Variants in PRKCZ observed in about 807,000 individuals in gnomAD.
The protein encoded by PRKCZ is protein kinase C zeta.
In PRKCZ, 33 loss-of-function variants were observed where a neutral mutation model predicts 79.5. The ratio of observed to expected loss-of-function variants is 0.41; its 90% CI spans 0.31 to 0.55. The LOEUF (loss-of-function observed/expected upper bound fraction) is 0.55, where lower values mean the gene tolerates loss of function less well. Among genes scored for constraint, PRKCZ ranks in the 20% least tolerant of loss-of-function variants. The probability of loss-of-function intolerance (pLI) is 0.19; values close to 1 mark genes in which losing one functional copy is unlikely to be tolerated. For synonymous variants in PRKCZ, 342 were observed against 320.9 expected, an observed-to-expected ratio of 1.07 and a Z score of -0.70; for missense variants, 578 against 813.5, an observed-to-expected ratio of 0.71 and a Z score of 3.52.
In PRKCZ at chr1:2,075,894, C is replaced by G. The variant is rs1416776596; in HGVS notation, c.334+16303C>G. 6.6e-6 allele frequency among the ~76,000 whole-genome samples: 1 copy of G among 152,222 alleles called. No homozygotes were observed. The highest frequency in any genetic ancestry group is 1.5e-5 in the Non-Finnish European group (1 of 68,050). On this transcript the variant is annotated intron_variant, in intron 4 of 17. Coordinates refer to ENST00000378567, the MANE Select transcript of PRKCZ (RefSeq NM_002744.6). This position sits in a 1 kb window ranked among gnomAD's most constrained non-coding sequence, Gnocchi z 4.8. Reference sequence around the variant, plus strand: ...CTCGTGTGTGTAGCAGCGGGGGCTGCGTCTCATCTGCCACACGTTTCTGAT... The same window carrying G: ...CTCGTGTGTGTAGCAGCGGGGGCTGGGTCTCATCTGCCACACGTTTCTGAT...
chr1:2,076,251 T>G (rs1032106053), intron 4 of PRKCZ, among the ~76,000 whole-genome samples: 2 of 152,070 alleles, frequency 1.3e-5, no homozygotes, highest in African/African-American at 4.8e-5. Context: ...TCTGGTCTCC[T>G]GGCGCCCACT....
chr1:2,095,100 C>T (rs1041702980), intron 4 of PRKCZ, among the ~76,000 whole-genome samples: 6 of 152,156 alleles, frequency 3.9e-5, no homozygotes, highest in Non-Finnish European at 8.8e-5. Context: ...GTTTGCTGGT[C>T]CCCTGGGAGT....
chr1:2,162,409 G>GGT lies in PRKCZ; in HGVS notation c.974+6320_974+6321dup, dbSNP rs571536054. Among the ~76,000 whole-genome samples the GGT allele has an allele frequency of 1.8e-3, 273 of 152,332 alleles. 1 individual carries two copies. The highest frequency in any genetic ancestry group is 3.5e-3 in the Non-Finnish European group (237 of 68,040). On this transcript the variant is annotated intron_variant, in intron 10 of 17. Transcript: ENST00000378567. ...GGCCTCCCAAAGTGCTGGGATTACA[G>GGT]GTGTAAGCCACTGGGCCTGGCCCGA...
In PRKCZ at chr1:2,073,869, G is replaced by A. The variant is rs915563600; in HGVS notation, c.334+14278G>A. ...TCAACGGGAAGGAAGATGCCTCCCTGCACGCCCGCCGCGCACAGAGCATAA... is the reference window on the plus strand; with the variant it reads ...TCAACGGGAAGGAAGATGCCTCCCTACACGCCCGCCGCGCACAGAGCATAA... On this transcript the variant is annotated intron_variant, in intron 4 of 17. Coordinates refer to ENST00000378567, the MANE Select transcript of PRKCZ (RefSeq NM_002744.6). 3.7e-6 allele frequency: 4 copies of A among 1,089,402 alleles called. No individual in the cohort carries two copies. The African/African-American group carries it at 5.0e-5, about 14-fold the overall frequency. 67.5% of individuals were successfully genotyped at this position (1,089,402 alleles called of 1,614,324 possible).
chr1:2,054,969 GTCTC>G (rs1196527317), intron 1 of PRKCZ, among the ~76,000 whole-genome samples: 4 of 147,644 alleles, frequency 2.7e-5, no homozygotes, highest in Admixed American at 2.0e-4. Flanking sequence ...TTAATACGGA[GTCTC>G]TCTCTGTCGC....
chr1:2,057,645 C>T lies in PRKCZ; in HGVS notation c.283+1072C>T, dbSNP rs778779893. Among the ~76,000 whole-genome samples the T allele has an allele frequency of 1.1e-4, 17 of 152,074 alleles. 1 individual carries two copies. Among genetic ancestry groups the T allele is most frequent in the African/African-American group, 2.2e-4 (9 of 41,416 alleles). ...CTTTGGGAGGTCAAGGTGGGAGGAT[C>T]GCTTCAGCCTAGGAGTTCAAGACCA... On this transcript the variant is annotated intron_variant, in intron 3 of 17. Coordinates refer to ENST00000378567, the MANE Select transcript of PRKCZ (RefSeq NM_002744.6).
At position 2,128,265 on chromosome 1, in the gene PRKCZ, C is replaced by T. The variant is rs912960832; in HGVS notation, c.335-6997C>T. On this transcript the variant is annotated intron_variant, in intron 4 of 17. Transcript: ENST00000378567. The surrounding 1 kb of genome is among the most constrained non-coding windows in gnomAD (Gnocchi z 6.5). ...TGCACCCATCCGGGCCCCGCAGGGC[C>T]GTCCTGTGGCACTGCTTTGGGCTGT... 9.2e-5 allele frequency among the ~76,000 whole-genome samples: 14 copies of T among 152,334 alleles called. No individual in the cohort carries two copies. The highest frequency in any genetic ancestry group is 1.3e-4 in the Non-Finnish European group (9 of 68,018).
chr1:2,091,336 CTGTT>C (rs1334204549), intron 4 of PRKCZ, among the ~76,000 whole-genome samples: 1 of 152,218 alleles, frequency 6.6e-6, no homozygotes, highest in Admixed American at 6.5e-5. Flanking sequence ...CGCGCCTGGC[CTGTT>C]TGTTTTTTAA....
rs180690744 is a variant in PRKCZ, at chr1:2,057,030, T to G, written c.283+457T>G. 2.1e-3 allele frequency among the ~76,000 whole-genome samples: 326 copies of G among 152,290 alleles called. 6 individuals carry two copies. The highest frequency in any genetic ancestry group is 7.0e-3 in the African/African-American group (292 of 41,564). ...GATGTGAGCCACCGCGCCCGGCCTT[T>G]TCTTTGACATTTTATTAACCCAAAT... On this transcript the variant is annotated intron_variant, in intron 3 of 17. Transcript: ENST00000378567.
chr1:2,168,859 T>C lies in PRKCZ; in HGVS notation c.975-659T>C. ...TTGTATGAGAATTTAATTTTGAAAATTGAGTCTCATGAAATGTAGGAAAAG... is the reference window on the plus strand; with the variant it reads ...TTGTATGAGAATTTAATTTTGAAAACTGAGTCTCATGAAATGTAGGAAAAG... On this transcript the variant is annotated intron_variant, in intron 10 of 17. Coordinates refer to ENST00000378567, the MANE Select transcript of PRKCZ (RefSeq NM_002744.6). The surrounding 1 kb of genome is among the most constrained non-coding windows in gnomAD (Gnocchi z 4.7). The C allele has an allele frequency of 4.9e-6, 1 of 205,814 alleles. No individual in the cohort carries two copies. The highest frequency in any genetic ancestry group is 1.0e-5 in the Non-Finnish European group (1 of 96,504). The allele number at this position is 205,814 out of a possible 1,614,324, so 12.7% of individuals were successfully genotyped here.
In PRKCZ at chr1:2,125,496, C is replaced by T. The variant is rs530266966; in HGVS notation, c.335-9766C>T. Among the ~76,000 whole-genome samples, 3 of 152,224 alleles carry T rather than the reference C, an allele frequency of 2.0e-5. No individual in the cohort carries two copies. In the East Asian group the frequency reaches 5.8e-4, roughly 30 times the overall value. ...GAGGACATCCTGGGGGGCCTGGCTT[C>T]TTGGGAACTGGAGGCTTTGGCCCTT... On this transcript the variant is annotated intron_variant, in intron 4 of 17. Transcript: ENST00000378567. The surrounding 1 kb of genome is among the most constrained non-coding windows in gnomAD (Gnocchi z 4.2).
rs564148728 is a variant in PRKCZ, at chr1:2,168,574, C to T, written c.975-944C>T. Among the ~76,000 whole-genome samples, 42 of 152,312 alleles carry T rather than the reference C, an allele frequency of 2.8e-4. No homozygotes were observed. The highest frequency in any genetic ancestry group is 1.0e-3 in the African/African-American group (42 of 41,578). On this transcript the variant is annotated intron_variant, in intron 10 of 17. Coordinates refer to ENST00000378567, the MANE Select transcript of PRKCZ (RefSeq NM_002744.6). The surrounding 1 kb of genome is among the most constrained non-coding windows in gnomAD (Gnocchi z 4.7). The stretch of plus-strand genomic sequence containing the variant: ...GTTCACCTGCCCTGTGTAAACTGGC[C>T]TCTGTCCTCTCTGGCTTAATTCTGG...
rs146586947 is a variant in PRKCZ, at chr1:2,147,394, G to T, written c.634+1286G>T. On this transcript the variant is annotated intron_variant, in intron 7 of 17. Coordinates refer to ENST00000378567, the MANE Select transcript of PRKCZ (RefSeq NM_002744.6). ...TGACCTCTCTATCTATCCATCTATTGTTCACTGACCTCTCCTTCCATCTAT... is the reference window on the plus strand; with the variant it reads ...TGACCTCTCTATCTATCCATCTATTTTTCACTGACCTCTCCTTCCATCTAT... Among the ~76,000 whole-genome samples, 424 of 141,344 alleles carry T rather than the reference G, an allele frequency of 3.0e-3. 4 individuals are homozygous for T. Among genetic ancestry groups the T allele is most frequent in the African/African-American group, 0.011 (402 of 37,202 alleles). 92.7% of individuals were successfully genotyped at this position (141,344 alleles called of 152,430 possible).
chr1:2,110,786 C>T (rs1044061101), intron 4 of PRKCZ, among the ~76,000 whole-genome samples: 4 of 151,652 alleles, frequency 2.6e-5, no homozygotes, highest in African/African-American at 9.7e-5. Context: ...TGGGGTGGGG[C>T]TGGTGACAGT....
intron 4 of PRKCZ, among the ~76,000 whole-genome samples, chr1:2,102,916 G>T (rs1386358714): frequency 6.6e-6 from 1 of 152,074 alleles, no homozygotes; most frequent in East Asian, 1.9e-4. Context: ...GTCTTGCTCT[G>T]TCGCCCAGGC....
In PRKCZ at chr1:2,071,349, G is replaced by A. The variant is rs78968431; in HGVS notation, c.334+11758G>A. 3.0e-3 allele frequency: 1,414 copies of A among 468,008 alleles called. 49 individuals carry two copies. The East Asian group carries it at 0.07, about 23-fold the overall frequency. The allele number at this position is 468,008 out of a possible 1,614,324, so 29.0% of individuals were successfully genotyped here. Reference sequence around the variant, plus strand: ...CCCCACCGAGTGTGTTCCAGGCCCCGGCGGCGTCTGAGAGGAGGCGGCCAA... The same window carrying A: ...CCCCACCGAGTGTGTTCCAGGCCCCAGCGGCGTCTGAGAGGAGGCGGCCAA... On this transcript the variant is annotated intron_variant, in intron 4 of 17. Transcript: ENST00000378567.
At chr1:2,147,404 C>T (rs567866214) in intron 7 of PRKCZ, among the ~76,000 whole-genome samples, 1 of 150,786 alleles carries the variant, frequency 6.6e-6, no homozygotes, top group Admixed American at 6.6e-5. Flanking sequence ...GTTCACTGAC[C>T]TCTCCTTCCA....
chr1:2,122,669 C>T (rs1311936722), intron 4 of PRKCZ, among the ~76,000 whole-genome samples: 6 of 3,536 alleles, frequency 1.7e-3, no homozygotes, highest in Admixed American at 0.015. Context: ...AGGGTCGTGG[C>T]GGTGGTTAGG....
At chr1:2,079,347 G>A (rs1340040256) in intron 4 of PRKCZ, among the ~76,000 whole-genome samples, 1 of 152,242 alleles carries the variant, frequency 6.6e-6, no homozygotes, top group Non-Finnish European at 1.5e-5. Context: ...TGTTTTCTTT[G>A]TTCTGGGTAA....
Sources: allele counts gnomAD v4.1 joint callset (sites outside exome capture counted in the v4.1 genomes callset), GRCh38; gene constraint gnomAD v4.1.1; non-coding constraint Gnocchi (gnomAD v3.1); transcripts MANE v1.5; gene names NCBI Gene and HGNC (gene_info 2026-07-23, HGNC 2026-07-21).